MYH8: variants seen among roughly 807,000 people sequenced by gnomAD.
The protein encoded by MYH8 is myosin heavy chain 8.
A neutral mutation model predicts 233.2 loss-of-function variants in MYH8; 168 were observed. The ratio of observed to expected loss-of-function variants is 0.72; its 90% CI spans 0.64 to 0.82. MYH8 has a LOEUF of 0.82. MYH8 is among the 40% of genes least tolerant of loss of function. The pLI, the probability that MYH8 is intolerant of heterozygous loss-of-function variation, is 0.00. For synonymous variants in MYH8, 785 were observed against 850.6 expected (o/e 0.92, Z 1.34); for missense variants, 1,995 against 2,327.8 (o/e 0.86, Z 2.94).
chr17:10,395,546 A>G, intron 33 of MYH8, 105 bp from the exon 34 acceptor site: 1 of 1,155,990 alleles, frequency 8.7e-7, no homozygotes, highest in Non-Finnish European at 1.3e-6. Context: ...CTAATTTTAC[A>G]AAGTATAATA....
In MYH8 at chr17:10,412,726, C is replaced by A; in HGVS notation, c.1150G>T (p.Ala384Ser). The A allele has an allele frequency of 6.2e-7, 1 of 1,610,816 alleles. No individual in the cohort carries two copies. Among genetic ancestry groups the A allele is most frequent in the Middle Eastern group, 1.7e-4 (1 of 6,056 alleles). Reference protein sequence around the residue: ...EQAEPDGTEVADKAAYLQSLN... With the variant: ...EQAEPDGTEVSDKAAYLQSLN... ...CTCTGGAGATAGGCTGCCTTGTCAG[C>A]GACTGCAGAGACACAGTTCAGGACA... Residue 384 changes from alanine to serine, a missense_variant and splice_region_variant, in exon 13 of 40, where the codon GCT (alanine) becomes TCT (serine). Ala to Ser is a moderately conservative substitution (Grantham distance 99). This residue lies in a region of MYH8 where 479 missense variants were observed against 600.9 expected (regional missense o/e 0.80). Transcript: ENST00000403437.
intron 14 of MYH8, among the ~76,000 whole-genome samples, chr17:10,411,814 C>A (rs2072246706): frequency 6.6e-6 from 1 of 152,160 alleles, no homozygotes; most frequent in African/African-American, 2.4e-5. Context: ...TATAGTATAG[C>A]AGTTGAAGAT....
Position 10,396,184 on chromosome 17 carries a change from AG to A in MYH8, c.4653+145del. On this transcript the variant is annotated intron_variant, in intron 33 of 39. Transcript: ENST00000403437. This position sits in a 1 kb window ranked among gnomAD's most constrained non-coding sequence, Gnocchi z 4.2. ...CTTAGAAATAGAATTGATAGGTCAG[AG>A]TATTTACATTTTTAAGGATTTTGAT... The A allele has an allele frequency of 1.1e-6, 1 of 921,556 alleles. No homozygotes were observed. Among genetic ancestry groups the A allele is most frequent in the Non-Finnish European group, 1.6e-6 (1 of 606,912 alleles). The allele number at this position is 921,556 out of a possible 1,614,324, so 57.1% of individuals were successfully genotyped here.
At chr17:10,397,528 T>C (rs771347516) in intron 30 of MYH8, among the ~76,000 whole-genome samples, 9 of 152,244 alleles carry the variant, frequency 5.9e-5, no homozygotes, top group Non-Finnish European at 1.0e-4. Context: ...GGGAATATTA[T>C]AGAATTCTAA....
Position 10,409,336 on chromosome 17 carries a change from T to TGTGG in MYH8, c.1839_1840insCCAC (p.Lys614ProfsTer17). The TGTGG allele has an allele frequency of 1.9e-6, 3 of 1,614,256 alleles. No homozygotes were observed. The highest frequency in any genetic ancestry group is 2.5e-6 in the Non-Finnish European group (3 of 1,180,044). On this transcript the variant is annotated frameshift_variant, in exon 16 of 40. Transcript: ENST00000403437. LOFTEE classifies it high-confidence loss of function. ...CTGGCTAGAGTCTTCATTGCAGACT[T>TGTGG]CTGGTACAGCCCAACCACAGTATCA... is the stretch of plus-strand genomic sequence containing the variant.
rs753457433 is a variant in MYH8, at chr17:10,400,223, T to C, written c.3735+167A>G. The stretch of plus-strand genomic sequence containing the variant: ...ATCCCCCCGCTCCAAAAAAAAATCA[T>C]CTTAATCGATCATAACCAGCATTTT... On this transcript the variant is annotated intron_variant, in intron 27 of 39. Coordinates refer to ENST00000403437, the MANE Select transcript of MYH8 (RefSeq NM_002472.3). The surrounding 1 kb of genome is among the most constrained non-coding windows in gnomAD (Gnocchi z 4.0). Among the ~76,000 whole-genome samples the C allele has an allele frequency of 6.6e-6, 1 of 152,028 alleles. No homozygotes were observed. Among genetic ancestry groups the C allele is most frequent in the African/African-American group, 2.4e-5 (1 of 41,410 alleles).
intron 12 of MYH8, 59 bp from the exon 13 acceptor site, chr17:10,412,787 C>A: frequency 7.2e-7 from 1 of 1,394,446 alleles, no homozygotes; most frequent in Admixed American, 1.7e-5. Context: ...TTTACCTAAT[C>A]TTTCCATTTT....
In MYH8 at chr17:10,414,455, G is replaced by A. The variant is rs1216199703; in HGVS notation, c.835C>T (p.Gln279Ter). 6 of 1,612,826 alleles carry A rather than the reference G, an allele frequency of 3.7e-6. No homozygotes were observed. Among genetic ancestry groups the A allele is most frequent in the African/African-American group, 2.7e-5 (2 of 74,892 alleles). ...YLLEKSRVTF[Q>*]LKAERSYHIF... is the part of the protein sequence containing the mutation. ...TGGTAGCTTCTTTCCGCCTTTAGCT[G>A]GAAAGTAACTCTGGACTTTTCTAAA... is the stretch of plus-strand genomic sequence containing the variant. The change falls in exon 10 of 40, where the codon CAG becomes TAG. Residue 279 changes from glutamine to a stop codon, truncating the protein, a stop_gained. Coordinates refer to ENST00000403437, the MANE Select transcript of MYH8 (RefSeq NM_002472.3). LOFTEE classifies it high-confidence loss of function.
In MYH8 at chr17:10,399,528, A is replaced by C. The variant is rs1341324972; in HGVS notation, c.3862+15T>G. On this transcript the variant is annotated intron_variant, in intron 28 of 39. Transcript: ENST00000403437. The stretch of plus-strand genomic sequence containing the variant: ...TTTAGTCCATGGTGTTGGGACCCAG[A>C]GAAGATGTCTTTACCCGCTTCTGTC... 6.2e-7 allele frequency: 1 copy of C among 1,612,886 alleles called. No individual in the cohort carries two copies. The highest frequency in any genetic ancestry group is 8.5e-7 in the Non-Finnish European group (1 of 1,179,962).
intron 17 of MYH8, 123 bp downstream of exon 17, chr17:10,408,974 A>G (rs2072219433): frequency 2.3e-6 from 2 of 880,948 alleles, no homozygotes; most frequent in Non-Finnish European, 3.7e-6. Context: ...CTATACTCTG[A>G]CGAGAGCTGA....
At chr17:10,406,241 A>G (rs781167659) in intron 20 of MYH8, 33 bp downstream of exon 20, 2 of 1,614,100 alleles carry the variant, frequency 1.2e-6, no homozygotes, top group Non-Finnish European at 1.7e-6. Flanking sequence ...GGCAGAAGGT[A>G]CTTGGATCAG....
In MYH8 at chr17:10,419,460, C is replaced by A. The variant is rs891421860; in HGVS notation, c.211-430G>T. Among the ~76,000 whole-genome samples the A allele has an allele frequency of 2.0e-5, 3 of 152,182 alleles. No homozygotes were observed. Among genetic ancestry groups the A allele is most frequent in the Admixed American group, 1.3e-4 (2 of 15,292 alleles). ...TACTTCTCATTATATTATTTAATGT[C>A]CTCTTAAAAAAGGCATGAAATATAT... On this transcript the variant is annotated intron_variant, in intron 3 of 39. Transcript: ENST00000403437. The surrounding 1 kb of genome is among the most constrained non-coding windows in gnomAD (Gnocchi z 4.0).
rs1462952210 is a variant in MYH8 at position 10,392,664 on chromosome 17, A to C, written c.5464-18T>G. 4.3e-6 allele frequency: 7 copies of C among 1,613,894 alleles called. No individual in the cohort carries two copies. The African/African-American group carries it at 9.3e-5, about 22-fold the overall frequency. On this transcript the variant is annotated intron_variant, in intron 37 of 39. Coordinates refer to ENST00000403437, the MANE Select transcript of MYH8 (RefSeq NM_002472.3). ...TCACGTACCTGCAGCCAAGAAAAAT[A>C]CTTACGCAGTCAGTCTTGGGGGATA... is the stretch of plus-strand genomic sequence containing the variant.
chr17:10,395,489 T>G, intron 33 of MYH8, 48 bp from the exon 34 acceptor site: 1 of 1,592,448 alleles, frequency 6.3e-7, no homozygotes, highest in South Asian at 1.1e-5. Flanking sequence ...CCTGAGTATT[T>G]GGAGTATATT....
chr17:10,395,475 A>C, intron 33 of MYH8, 34 bp from the exon 34 acceptor site: 1 of 1,607,668 alleles, frequency 6.2e-7, no homozygotes, highest in Non-Finnish European at 8.5e-7. Flanking sequence ...ATAATGGAGA[A>C]GAACCTGAGT....
In MYH8 at chr17:10,414,184, T is replaced by C; in HGVS notation, c.1008+8A>G. On this transcript the variant is annotated splice_region_variant and intron_variant, in intron 11 of 39. Transcript: ENST00000403437. ...AATGGATTTTTAAAATTAGTGTTTT[T>C]GACTTACATCAGTGGCCATCAACTC... The C allele has an allele frequency of 2.5e-6, 4 of 1,613,478 alleles. No homozygotes were observed. Among genetic ancestry groups the C allele is most frequent in the Non-Finnish European group, 3.4e-6 (4 of 1,179,358 alleles).
In MYH8 at chr17:10,400,858, A is replaced by G; in HGVS notation, c.3345+11T>C. 6.2e-7 allele frequency: 1 copy of G among 1,613,866 alleles called. No individual in the cohort carries two copies. Among genetic ancestry groups the G allele is most frequent in the South Asian group, 1.1e-5 (1 of 91,076 alleles). ...TTGGTGTGCAGAAAAAATAGAGGTG[A>G]GATGACTCACCTGCAACTCTTTGAT... is the stretch of plus-strand genomic sequence containing the variant. On this transcript the variant is annotated intron_variant, in intron 26 of 39. Transcript: ENST00000403437. The surrounding 1 kb of genome is among the most constrained non-coding windows in gnomAD (Gnocchi z 4.0).
At chr17:10,399,471 GCTATTTATT>G in intron 28 of MYH8, 63 bp downstream of exon 28, 1 of 1,605,368 alleles carries the variant, frequency 6.2e-7, no homozygotes, top group East Asian at 2.2e-5. Flanking sequence ...TGGGAATATT[GCTATTTATT>G]AGAACCCCTA....
chr17:10,420,278 A>G (rs1339363345), intron 2 of MYH8, 21 bp from the exon 3 acceptor site: 1 of 1,581,426 alleles, frequency 6.3e-7, no homozygotes. Flanking sequence ...GAGAAACGGG[A>G]GAGAGAGATA....
Sources: gnomAD v4.1 joint callset for allele counts (sites outside exome capture counted in the v4.1 genomes callset) on GRCh38, gnomAD v4.1.1 for gene constraint, gnomAD v4.1.1 regional missense constraint, Gnocchi (gnomAD v3.1) non-coding constraint, MANE v1.5 for transcripts, NCBI Gene and HGNC (gene_info 2026-07-23, HGNC 2026-07-21) for gene names.